The following TBCK variants were observed in gnomAD, a reference collection of about 807,000 sequenced individuals.
TBCK encodes the protein TBC domain-containing protein kinase-like protein.
A neutral mutation model predicts 113.4 loss-of-function variants in TBCK; 99 were observed. The ratio of observed to expected loss-of-function variants is 0.87; its 90% CI spans 0.74 to 1.03. The LOEUF is 1.03. Among genes scored for constraint, TBCK ranks in the 50% least tolerant of loss-of-function variants. TBCK has a pLI of 0.00. For synonymous variants in TBCK, 369 were observed against 370.8 expected, an observed-to-expected ratio of 1.00 and a Z score of 0.05; for missense variants, 1,045 against 1,061.3, an observed-to-expected ratio of 0.98 and a Z score of 0.21.
chr4:106,055,855 A>G (rs867971193), intron 25 of TBCK, among the ~76,000 whole-genome samples: 2 of 151,606 alleles, frequency 1.3e-5, no homozygotes, highest in Admixed American at 1.3e-4. Flanking sequence ...TCTTTTCAAC[A>G]ATCTCTTATT....
chr4:106,123,963 A>G (rs1192679109), intron 23 of TBCK, among the ~76,000 whole-genome samples: 2 of 151,376 alleles, frequency 1.3e-5, no homozygotes, highest in Non-Finnish European at 2.9e-5. Context: ...TGTCCAAAAC[A>G]CCAAAAGCAA....
intron 23 of TBCK, chr4:106,163,621 TCTTTA>T (rs1458391964): frequency 1.3e-5 from 2 of 152,140 alleles, no homozygotes; most frequent in African/African-American, 4.8e-5. Context: ...AACATGTCCT[TCTTTA>T]CTTGGTGGCA....
rs369739824 is a variant in TBCK at position 106,153,907 on chromosome 4, AAT to A, written c.2235+17186_2235+17187del. Among the ~76,000 whole-genome samples the A allele has an allele frequency of 2.0e-3, 305 of 151,990 alleles. 2 individuals carry two copies. The highest frequency in any genetic ancestry group is 6.4e-3 in the African/African-American group (265 of 41,458). ...TCTTTTTTGGTTTCCATTGGCATGC[AAT>A]ATCTTTTTCCATCCCCTTATTTTTA... On this transcript the variant is annotated intron_variant, in intron 23 of 25. Coordinates refer to ENST00000394708, the MANE Select transcript of TBCK (RefSeq NM_001163435.3).
At chr4:106,298,926 C>A (rs1210560176) in intron 2 of TBCK, among the ~76,000 whole-genome samples, 1 of 152,172 alleles carries the variant, frequency 6.6e-6, no homozygotes, top group African/African-American at 2.4e-5. Flanking sequence ...CAGTTTTAGA[C>A]ATCCACTGGG....
intron 23 of TBCK, among the ~76,000 whole-genome samples, chr4:106,129,435 A>C (rs565507807): frequency 6.6e-6 from 1 of 152,328 alleles, no homozygotes; most frequent in African/African-American, 2.4e-5. Flanking sequence ...ATAATGGCTT[A>C]CAGCTAGATG....
chr4:106,173,487 A>G (rs1351052723), intron 22 of TBCK, among the ~76,000 whole-genome samples: 1 of 152,168 alleles, frequency 6.6e-6, no homozygotes. Context: ...GCTCAAATCA[A>G]TTTGACACAT....
At chr4:106,224,179 T>C (rs1004633284) in intron 19 of TBCK, among the ~76,000 whole-genome samples, 37 of 152,074 alleles carry the variant, frequency 2.4e-4, no homozygotes, top group African/African-American at 8.9e-4. Context: ...AAACAGGGTA[T>C]CTTGATTAAA....
chr4:106,094,508 A>C (rs1170528106), intron 25 of TBCK, among the ~76,000 whole-genome samples: 1 of 152,186 alleles, frequency 6.6e-6, no homozygotes, highest in Non-Finnish European at 1.5e-5. Flanking sequence ...TAAGAGTAAA[A>C]AAAAAATAAA....
intron 23 of TBCK, among the ~76,000 whole-genome samples, chr4:106,123,227 C>A (rs1744681749): frequency 6.6e-6 from 1 of 151,722 alleles, no homozygotes; most frequent in South Asian, 2.1e-4. Context: ...TCTTATACAC[C>A]AACAACAAAC....
intron 25 of TBCK, among the ~76,000 whole-genome samples, chr4:106,055,447 T>A (rs1332395888): frequency 6.6e-6 from 1 of 151,596 alleles, no homozygotes; most frequent in Non-Finnish European, 1.5e-5. Context: ...AAGTTTTAAA[T>A]AGAAATGTCA....
intron 17 of TBCK, 58 bp from the exon 18 acceptor site, chr4:106,231,837 G>A (rs1758887190): frequency 7.1e-7 from 1 of 1,417,348 alleles, no homozygotes; most frequent in African/African-American, 1.4e-5. Context: ...TAGAATTGAA[G>A]ATATATACCT....
At chr4:106,069,705 A>G (rs11933357) in intron 25 of TBCK, among the ~76,000 whole-genome samples, 1,711 of 152,262 alleles carry the variant, frequency 0.011, 31 homozygotes, top group African/African-American at 0.039. Flanking sequence ...TTTGATGGGG[A>G]TGGCATTGAA....
intron 23 of TBCK, among the ~76,000 whole-genome samples, chr4:106,156,826 G>T (rs1749182573): frequency 1.3e-5 from 2 of 152,112 alleles, no homozygotes; most frequent in South Asian, 4.1e-4. Context: ...CTGGAATTGG[G>T]GGCCACAAGA....
intron 25 of TBCK, among the ~76,000 whole-genome samples, chr4:106,087,788 A>G (rs754419813): frequency 6.6e-6 from 1 of 152,162 alleles, no homozygotes; most frequent in Non-Finnish European, 1.5e-5. Flanking sequence ...TCTCAGAAAT[A>G]ATACCACATG....
chr4:106,308,637 A>C, intron 2 of TBCK, 131 bp downstream of exon 2: 1 of 808,556 alleles, frequency 1.2e-6, no homozygotes, highest in Non-Finnish European at 1.9e-6. Context: ...GGTGGGGGAA[A>C]AGGATGAGAG....
At position 106,081,115 on chromosome 4, in the gene TBCK, C is replaced by T. The variant is rs149033030; in HGVS notation, c.2571+14367G>A. 7.9e-5 allele frequency among the ~76,000 whole-genome samples: 12 copies of T among 152,332 alleles called. No homozygotes were observed. The East Asian group carries it at 1.3e-3, about 17-fold the overall frequency. On this transcript the variant is annotated intron_variant, in intron 25 of 25. Coordinates refer to ENST00000394708, the MANE Select transcript of TBCK (RefSeq NM_001163435.3). ...TTGTGGAACTAACTGGAATTGCCAT[C>T]AGTATGGCGATTCCTCAAAGATCTA... is the stretch of plus-strand genomic sequence containing the variant.
intron 23 of TBCK, among the ~76,000 whole-genome samples, chr4:106,148,415 C>T (rs1748085897): frequency 1.3e-5 from 2 of 152,268 alleles, no homozygotes; most frequent in South Asian, 4.1e-4. Context: ...TGTACTCTGT[C>T]CCTTTATTTC....
intron 25 of TBCK, among the ~76,000 whole-genome samples, chr4:106,073,919 G>A (rs1001665140): frequency 1.3e-5 from 2 of 152,212 alleles, no homozygotes. Context: ...GACCCACTGA[G>A]CCAGGCACAG....
At chr4:106,225,358 ACAAG>A (rs1487569317) in intron 19 of TBCK, among the ~76,000 whole-genome samples, 4 of 152,232 alleles carry the variant, frequency 2.6e-5, no homozygotes, top group Non-Finnish European at 5.9e-5. Flanking sequence ...ACTTAGAGAA[ACAAG>A]CAATCAATAA....
Sources: gnomAD v4.1 joint callset for allele counts (sites outside exome capture counted in the v4.1 genomes callset) on GRCh38, gnomAD v4.1.1 for gene constraint, MANE v1.5 for transcripts, NCBI Gene and HGNC (gene_info 2026-07-23, HGNC 2026-07-21) for gene names.